The following NCKAP5 variants were observed in gnomAD, a reference collection of about 807,000 sequenced individuals.
The protein encoded by NCKAP5 is nck-associated protein 5.
Under a neutral mutation model 167.0 loss-of-function variants are expected in NCKAP5, and 92 were observed. The ratio of observed to expected loss-of-function variants is 0.55; its 90% CI spans 0.47 to 0.66. The LOEUF (loss-of-function observed/expected upper bound fraction) is 0.66. Among genes scored for constraint, NCKAP5 ranks in the 30% least tolerant of loss-of-function variants. The pLI is 0.00. For synonymous variants in NCKAP5, 891 were observed against 877.4 expected (o/e 1.02, Z -0.27); for missense variants, 2,378 against 2,315.0 (o/e 1.03, Z -0.56).
chr2:133,431,294 A>C (rs1274568163), intron 3 of NCKAP5, among the ~76,000 whole-genome samples: 1 of 152,116 alleles, frequency 6.6e-6, no homozygotes. Flanking sequence ...TCCATGTTTT[A>C]TATATTTAAA....
intron 3 of NCKAP5, among the ~76,000 whole-genome samples, chr2:133,516,316 C>T (rs1394086246): frequency 1.3e-5 from 2 of 152,124 alleles, no homozygotes; most frequent in Non-Finnish European, 2.9e-5. Flanking sequence ...TCACCACGTT[C>T]AACCTGGAGT....
intron 16 of NCKAP5, among the ~76,000 whole-genome samples, chr2:132,768,637 C>CTTT (rs566719697): frequency 1.6e-4 from 20 of 124,578 alleles, no homozygotes; most frequent in Non-Finnish European, 2.5e-4. Flanking sequence ...TTAATAATAT[C>CTTT]TTTTTTTTTT....
At chr2:133,236,277 G>C (rs1339424009) in intron 4 of NCKAP5, among the ~76,000 whole-genome samples, 1 of 152,006 alleles carries the variant, frequency 6.6e-6, no homozygotes, top group Non-Finnish European at 1.5e-5. Context: ...TAAAAAACCA[G>C]AGCCAGAGGC....
intron 4 of NCKAP5, among the ~76,000 whole-genome samples, chr2:133,245,246 T>A (rs1274706949): frequency 6.6e-6 from 1 of 152,122 alleles, no homozygotes; most frequent in African/African-American, 2.4e-5. Context: ...ATCAACTACA[T>A]CAATAAATCA....
intron 5 of NCKAP5, among the ~76,000 whole-genome samples, chr2:133,169,391 G>A (rs2084141142): frequency 6.6e-6 from 1 of 152,160 alleles, no homozygotes; most frequent in Non-Finnish European, 1.5e-5. Flanking sequence ...CAGTGCATCT[G>A]TTTCCCTTTC....
intron 6 of NCKAP5, among the ~76,000 whole-genome samples, chr2:133,068,460 C>A (rs1324943441): frequency 6.6e-6 from 1 of 152,114 alleles, no homozygotes; most frequent in African/African-American, 2.4e-5. Context: ...GAGACATGAA[C>A]AAAGGAAGCA....
chr2:133,396,549 A>C (rs922330789), intron 3 of NCKAP5, among the ~76,000 whole-genome samples: 1 of 152,172 alleles, frequency 6.6e-6, no homozygotes. Context: ...GCTGTAACAA[A>C]GCATCCCTTG....
chr2:133,670,186 G>A, the NCKAP5 span, among the ~76,000 whole-genome samples: 2 of 152,212 alleles, frequency 1.3e-5, no homozygotes, highest in Non-Finnish European at 2.9e-5. Context: ...GCAAATAGAG[G>A]TAATGCCTGC....
At chr2:133,016,207 G>C (rs764202829) in intron 6 of NCKAP5, among the ~76,000 whole-genome samples, 1 of 152,160 alleles carries the variant, frequency 6.6e-6, no homozygotes, top group Non-Finnish European at 1.5e-5. Flanking sequence ...GCTACTGTCC[G>C]GTGGCCAGAT....
Position 133,174,767 on chromosome 2 carries a change from T to C in NCKAP5, c.207+38949A>G, listed in dbSNP as rs139399787. On this transcript the variant is annotated intron_variant, in intron 5 of 19. Coordinates refer to ENST00000409261, the MANE Select transcript of NCKAP5 (RefSeq NM_207363.3). ...AACCATTTCTCCAAAGAGTCCCAGT[T>C]CATTTTACTCTACAAGAATGGTGTT... Among the ~76,000 whole-genome samples, 366 of 151,992 alleles carry C rather than the reference T, an allele frequency of 2.4e-3. 2 individuals carry two copies. The highest frequency in any genetic ancestry group is 3.9e-3 in the Non-Finnish European group (267 of 67,976).
At chr2:132,706,344 T>C (rs1038252434) in intron 19 of NCKAP5, among the ~76,000 whole-genome samples, 9 of 152,172 alleles carry the variant, frequency 5.9e-5, no homozygotes, top group Non-Finnish European at 1.3e-4. Flanking sequence ...CCATCTCAGT[T>C]CTGCTGATGG....
intron 6 of NCKAP5, among the ~76,000 whole-genome samples, chr2:133,023,954 A>T (rs1039938491): frequency 6.6e-6 from 1 of 152,158 alleles, no homozygotes. Flanking sequence ...CAGTCCTTAC[A>T]CCCAGGACTG....
chr2:132,714,850 G>A, intron 19 of NCKAP5: 2 of 451,340 alleles, frequency 4.4e-6, no homozygotes, highest in South Asian at 1.6e-5. Flanking sequence ...GACACAGCCA[G>A]CGCTGAAACC....
intron 5 of NCKAP5, among the ~76,000 whole-genome samples, chr2:133,136,959 G>C (rs1459816142): frequency 6.6e-6 from 1 of 152,140 alleles, no homozygotes; most frequent in East Asian, 1.9e-4. Flanking sequence ...TGACACCTGT[G>C]TTTTTTCTTC....
intron 3 of NCKAP5, among the ~76,000 whole-genome samples, chr2:133,506,537 G>A (rs958569282): frequency 2.0e-5 from 3 of 152,166 alleles, no homozygotes; most frequent in Non-Finnish European, 4.4e-5. Flanking sequence ...GGAGAATGAA[G>A]TGGGAGTGTT....
At chr2:133,413,538 C>G (rs576398952) in intron 3 of NCKAP5, among the ~76,000 whole-genome samples, 4 of 152,084 alleles carry the variant, frequency 2.6e-5, no homozygotes, top group Admixed American at 2.6e-4. Context: ...GGAAGGGTGC[C>G]TGGCATCTTT....
In NCKAP5 at chr2:132,781,962, A is replaced by G. The variant is rs1683069299; in HGVS notation, c.4849T>C (p.Phe1617Leu). 2 of 1,613,000 alleles carry G rather than the reference A, an allele frequency of 1.2e-6. No individual in the cohort carries two copies. Among genetic ancestry groups the G allele is most frequent in the Non-Finnish European group, 8.5e-7 (1 of 1,179,246 alleles). ...TACCTGTTCAAGAGTTCCGTCATGA[A>G]GGTGTCTTTCGTTGAACATGCAACA... ...SPVACSTKDT[F>L]MTELLNRVDK... The change falls in exon 14 of 20, where the codon TTC (phenylalanine) becomes CTC (leucine). Residue 1617 changes from phenylalanine to leucine, a missense_variant. By Grantham distance (22) the Phe-to-Leu change is conservative. This residue lies in a region of NCKAP5 where 1,325 missense variants were observed against 1,274.5 expected (regional missense o/e 1.04). Transcript: ENST00000409261.
chr2:133,556,032 C>T (rs973977875), intron 2 of NCKAP5, among the ~76,000 whole-genome samples: 5 of 152,060 alleles, frequency 3.3e-5, no homozygotes, highest in African/African-American at 7.2e-5. Context: ...TTACACAAAC[C>T]GTATGATTCC....
rs548755850 is a variant in NCKAP5 at position 133,307,013 on chromosome 2, A to G, written c.70-3903T>C. ...TGTCAGTGTTCACTATTCCTAACAC[A>G]TATCTATGAAAAATATCAATTTCCC... On this transcript the variant is annotated intron_variant, in intron 3 of 19. Coordinates refer to ENST00000409261, the MANE Select transcript of NCKAP5 (RefSeq NM_207363.3). Among the ~76,000 whole-genome samples, 4 of 152,350 alleles carry G rather than the reference A, an allele frequency of 2.6e-5. No individual in the cohort carries two copies. The South Asian group carries it at 8.3e-4, about 32-fold the overall frequency.
Sources: allele counts gnomAD v4.1 joint callset (sites outside exome capture counted in the v4.1 genomes callset), GRCh38; gene constraint gnomAD v4.1.1; regional missense constraint gnomAD v4.1.1; transcripts MANE v1.5; gene names NCBI Gene and HGNC (gene_info 2026-07-23, HGNC 2026-07-21).